DLG2: variants seen among roughly 807,000 people sequenced by gnomAD.
DLG2 encodes disks large homolog 2.
In DLG2, 45 loss-of-function variants were observed where a neutral mutation model predicts 132.5. That is an observed-to-expected ratio of 0.34 (90% confidence interval 0.27 to 0.44). The LOEUF is 0.44. Ranked by LOEUF, DLG2 falls within the 20% of genes least tolerant of loss-of-function variation. The pLI, the probability that DLG2 is intolerant of heterozygous loss-of-function variation, is 1.00. For missense variants in DLG2, 1,045 were observed against 1,196.9 expected, an observed-to-expected ratio of 0.87 and a Z score of 1.87; for synonymous variants, 424 against 419.6, an observed-to-expected ratio of 1.01 and a Z score of -0.13.
chr11:84,269,229 C>A (rs2097688209), intron 7 of DLG2, among the ~76,000 whole-genome samples: 1 of 152,178 alleles, frequency 6.6e-6, no homozygotes, highest in Non-Finnish European at 1.5e-5. Context: ...ACCCCCAGGG[C>A]AAGGTTTGAC....
At chr11:84,773,759 A>G (rs1002619296) in intron 6 of DLG2, among the ~76,000 whole-genome samples, 28 of 152,182 alleles carry the variant, frequency 1.8e-4, no homozygotes, top group African/African-American at 6.5e-4. Context: ...AATGACCCTC[A>G]ACAAACTAGT....
chr11:84,500,174 G>A (rs557232303), intron 7 of DLG2, among the ~76,000 whole-genome samples: 39 of 152,154 alleles, frequency 2.6e-4, no homozygotes, highest in Non-Finnish European at 5.1e-4. Flanking sequence ...GAGTTGGAAA[G>A]GTACCATTAG....
At chr11:83,966,515 A>T (rs2090230240) in intron 12 of DLG2, among the ~76,000 whole-genome samples, 1 of 152,030 alleles carries the variant, frequency 6.6e-6, no homozygotes, top group African/African-American at 2.4e-5. Flanking sequence ...AAATGATTTT[A>T]AGATAATCTC....
rs545051779 is a variant in DLG2 at position 84,255,841 on chromosome 11, GA to G, written c.520-4551del. Among the ~76,000 whole-genome samples the G allele has an allele frequency of 8.1e-4, 122 of 151,240 alleles. 1 individual carries two copies. Among genetic ancestry groups the G allele is most frequent in the African/African-American group, 2.6e-3 (109 of 41,250 alleles). ...GATTTTTGAAACTATAAGGGATGAA[GA>G]AAAAAAAATTCTTTCTTAAGTAAAC... On this transcript the variant is annotated intron_variant, in intron 7 of 27. Coordinates refer to ENST00000376104, the MANE Select transcript of DLG2 (RefSeq NM_001142699.3).
intron 6 of DLG2, among the ~76,000 whole-genome samples, chr11:84,959,826 T>C (rs1171757158): frequency 1.3e-5 from 2 of 152,154 alleles, no homozygotes; most frequent in Admixed American, 1.3e-4. Context: ...ATGAGTTGGA[T>C]GTTCTCTTGG....
At chr11:83,953,522 G>T (rs1426240362) in intron 14 of DLG2, among the ~76,000 whole-genome samples, 1 of 152,172 alleles carries the variant, frequency 6.6e-6, no homozygotes. Context: ...CCTGTCCATG[G>T]AAAAATTATC....
intron 7 of DLG2, among the ~76,000 whole-genome samples, chr11:84,425,974 T>G (rs997386567): frequency 2.0e-4 from 30 of 152,262 alleles, no homozygotes; most frequent in Non-Finnish European, 4.3e-4. Context: ...TGTTGTTGTT[T>G]TTTAATGGAA....
At chr11:84,510,421 A>G (rs2099254036) in intron 7 of DLG2, among the ~76,000 whole-genome samples, 2 of 152,114 alleles carry the variant, frequency 1.3e-5, no homozygotes, top group South Asian at 2.1e-4. Context: ...AGCGCCAGAA[A>G]TTCCTAAGGG....
chr11:84,927,215 T>C (rs942792038), intron 6 of DLG2, among the ~76,000 whole-genome samples: 1 of 152,050 alleles, frequency 6.6e-6, no homozygotes, highest in Non-Finnish European at 1.5e-5. Flanking sequence ...TCTTTTAATA[T>C]GGACAAATAA....
intron 14 of DLG2, among the ~76,000 whole-genome samples, chr11:83,930,907 A>T (rs773347357): frequency 6.6e-6 from 1 of 152,224 alleles, no homozygotes; most frequent in Non-Finnish European, 1.5e-5. Context: ...AAAAATACAC[A>T]TAGTGGAATA....
intron 6 of DLG2, among the ~76,000 whole-genome samples, chr11:84,925,122 T>A (rs1007408422): frequency 4.0e-4 from 61 of 152,272 alleles, no homozygotes; most frequent in Non-Finnish European, 8.4e-4. Flanking sequence ...ATAAGTACCA[T>A]TTTTTTCCAT....
At chr11:85,117,049 G>A (rs999447474) in intron 5 of DLG2, among the ~76,000 whole-genome samples, 1 of 151,994 alleles carries the variant, frequency 6.6e-6, no homozygotes, top group African/African-American at 2.4e-5. Context: ...GTGGCAAATT[G>A]GTTCTTAAGT....
At chr11:84,664,292 A>G (rs1175236790) in intron 6 of DLG2, among the ~76,000 whole-genome samples, 3 of 152,144 alleles carry the variant, frequency 2.0e-5, no homozygotes, top group Non-Finnish European at 2.9e-5. Context: ...AAAACAAAAC[A>G]AAACAAAACA....
intron 3 of DLG2, among the ~76,000 whole-genome samples, chr11:85,586,182 T>C (rs2078958326): frequency 6.6e-6 from 1 of 152,206 alleles, no homozygotes; most frequent in African/African-American, 2.4e-5. Flanking sequence ...GGTCTGTAGT[T>C]TTCTTTTTTT....
chr11:84,998,469 T>C (rs938297575), intron 6 of DLG2, among the ~76,000 whole-genome samples: 28 of 152,188 alleles, frequency 1.8e-4, no homozygotes, highest in African/African-American at 6.8e-4. Flanking sequence ...TTCTCTCCTT[T>C]ATAAATTACC....
intron 15 of DLG2, among the ~76,000 whole-genome samples, chr11:83,898,131 G>T (rs900992273): frequency 6.6e-6 from 1 of 151,798 alleles, no homozygotes; most frequent in African/African-American, 2.4e-5. Context: ...TATCCTTTAG[G>T]AACTATAATA....
chr11:84,757,822 T>C (rs182291243), intron 6 of DLG2, among the ~76,000 whole-genome samples: 90 of 152,302 alleles, frequency 5.9e-4, no homozygotes, highest in African/African-American at 2.1e-3. Context: ...GAAAAACTGC[T>C]TGCCATTAGC....
chr11:84,966,036 G>A (rs1257286533), intron 6 of DLG2, among the ~76,000 whole-genome samples: 1 of 151,880 alleles, frequency 6.6e-6, no homozygotes, highest in Non-Finnish European at 1.5e-5. Flanking sequence ...CATTCAATAT[G>A]TGTTTAATGA....
intron 7 of DLG2, among the ~76,000 whole-genome samples, chr11:84,370,786 G>T (rs2098703038): frequency 6.6e-6 from 1 of 152,096 alleles, no homozygotes. Flanking sequence ...TGAACTGAAA[G>T]TATAGGGAGT....
Sources: allele counts gnomAD v4.1 joint callset (sites outside exome capture counted in the v4.1 genomes callset), GRCh38; gene constraint gnomAD v4.1.1; transcripts MANE v1.5; gene names NCBI Gene and HGNC (gene_info 2026-07-23, HGNC 2026-07-21).